The following PDZD2 variants were observed in gnomAD, a reference collection of about 807,000 sequenced individuals.
The protein encoded by PDZD2 is PDZ domain-containing protein 2.
A neutral mutation model predicts 220.7 loss-of-function variants in PDZD2; 90 were observed. The ratio of observed to expected loss-of-function variants is 0.41; its 90% CI spans 0.34 to 0.49. The LOEUF is 0.49. Ranked by LOEUF, PDZD2 falls within the 20% of genes least tolerant of loss-of-function variation. PDZD2 has a pLI of 0.28. For synonymous variants in PDZD2, 1,375 were observed against 1,450.5 expected (o/e 0.95, Z 1.18); for missense variants, 3,174 against 3,608.5 (o/e 0.88, Z 3.08).
chr5:31,944,092 ACT>A (rs1746435664), intron 2 of PDZD2, among the ~76,000 whole-genome samples: 2 of 152,260 alleles, frequency 1.3e-5, no homozygotes, highest in Non-Finnish European at 1.5e-5. Flanking sequence ...CATGCAGGTT[ACT>A]ACATTACAAA....
intron 1 of PDZD2, among the ~76,000 whole-genome samples, chr5:31,688,249 A>C (rs966569244): frequency 6.6e-5 from 10 of 152,306 alleles, no homozygotes; most frequent in Non-Finnish European, 1.2e-4. Context: ...AAAAGAAAAA[A>C]AAAACTCAGT....
intron 2 of PDZD2, among the ~76,000 whole-genome samples, chr5:31,914,176 T>C (rs1743461793): frequency 6.6e-6 from 1 of 152,246 alleles, no homozygotes; most frequent in African/African-American, 2.4e-5. Flanking sequence ...TTGGAGGTTT[T>C]TTCAAAATTA....
intron 2 of PDZD2, among the ~76,000 whole-genome samples, chr5:31,918,077 G>A (rs761202445): frequency 6.6e-6 from 1 of 152,138 alleles, no homozygotes; most frequent in African/African-American, 2.4e-5. Context: ...TTAAATGGCC[G>A]GAACAGGAGC....
Position 32,052,633 on chromosome 5 carries a change from C to CA in PDZD2, c.1688_1689insA (p.Thr564TyrfsTer37), listed in dbSNP as rs1447521677. ...TAGGAATACCACATTGTGAAGAAGTCTACCCGCTCCTTAAGCACGACTCAG... is the reference window on the plus strand; with the variant it reads ...TAGGAATACCACATTGTGAAGAAGTCATACCCGCTCCTTAAGCACGACTCAG... On this transcript the variant is annotated frameshift_variant, in exon 9 of 25. Transcript: ENST00000438447. LOFTEE classifies it high-confidence loss of function. 3.1e-6 allele frequency: 5 copies of CA among 1,613,390 alleles called. No homozygotes were observed. Among genetic ancestry groups the CA allele is most frequent in the African/African-American group, 1.3e-5 (1 of 74,896 alleles).
In PDZD2 at chr5:32,077,449, G is replaced by A. The variant is rs367578454; in HGVS notation, c.3538-13G>A. 1.9e-6 allele frequency: 3 copies of A among 1,612,992 alleles called. No individual in the cohort carries two copies. The South Asian group carries it at 3.3e-5, about 18-fold the overall frequency. ...AAGTTATTTCAAGTGGCTTGTGGTT[G>A]TCATTGTGCCAGGAATCTCTGGGAA... is the stretch of plus-strand genomic sequence containing the variant. On this transcript the variant is annotated splice_polypyrimidine_tract_variant and intron_variant, in intron 18 of 24. Coordinates refer to ENST00000438447, the MANE Select transcript of PDZD2 (RefSeq NM_178140.4).
At chr5:31,921,703 T>C (rs527248746) in intron 2 of PDZD2, among the ~76,000 whole-genome samples, 21 of 152,244 alleles carry the variant, frequency 1.4e-4, no homozygotes, top group African/African-American at 5.1e-4. Flanking sequence ...AAAAAAATTT[T>C]TTTTTTGAAG....
chr5:31,704,859 T>C (rs1388671333), intron 1 of PDZD2, among the ~76,000 whole-genome samples: 1 of 152,150 alleles, frequency 6.6e-6, no homozygotes, highest in Non-Finnish European at 1.5e-5. Context: ...CTGGATTATA[T>C]TGTGCAAATT....
chr5:31,872,101 T>C (rs1374408175), intron 2 of PDZD2, among the ~76,000 whole-genome samples: 1 of 151,796 alleles, frequency 6.6e-6, no homozygotes, highest in African/African-American at 2.4e-5. Context: ...TATCAGGGCA[T>C]GTGTGGTATT....
intron 2 of PDZD2, among the ~76,000 whole-genome samples, chr5:31,924,562 G>A (rs550837335): frequency 1.1e-4 from 16 of 152,298 alleles, no homozygotes; most frequent in Admixed American, 7.2e-4. Context: ...CACGTTTGGC[G>A]TGTGTTGCCT....
intron 1 of PDZD2, among the ~76,000 whole-genome samples, chr5:31,667,155 G>T (rs1398979246): frequency 7.2e-6 from 1 of 139,394 alleles, no homozygotes; most frequent in African/African-American, 2.7e-5. Context: ...AGAATGGCTT[G>T]AACCCAGGAG....
intron 23 of PDZD2, 53 bp from the exon 24 acceptor site, chr5:32,101,052 T>G (rs944617761): frequency 1.2e-6 from 2 of 1,610,370 alleles, no homozygotes; most frequent in Non-Finnish European, 1.7e-6. Flanking sequence ...CTTGGACATG[T>G]GGCATGATGA....
intron 1 of PDZD2, among the ~76,000 whole-genome samples, chr5:31,701,986 G>A (rs1419402014): frequency 6.6e-6 from 1 of 152,260 alleles, no homozygotes; most frequent in Non-Finnish European, 1.5e-5. Context: ...TAATCTGTGT[G>A]CATGGAACTG....
chr5:31,647,582 T>TTGTCTGTG (rs1486562760), intron 1 of PDZD2, among the ~76,000 whole-genome samples: 1 of 152,158 alleles, frequency 6.6e-6, no homozygotes, highest in African/African-American at 2.4e-5. Context: ...TCACGTTGCT[T>TTGTCTGTG]TGTCTGTGTG....
intron 1 of PDZD2, among the ~76,000 whole-genome samples, chr5:31,702,634 G>A (rs1747654092): frequency 6.6e-6 from 1 of 152,186 alleles, no homozygotes; most frequent in Non-Finnish European, 1.5e-5. Context: ...GGAAAGGTTA[G>A]TGTTTTCAAG....
intron 7 of PDZD2, among the ~76,000 whole-genome samples, chr5:32,038,881 C>T (rs982330923): frequency 1.3e-5 from 2 of 152,224 alleles, no homozygotes; most frequent in Admixed American, 6.5e-5. Context: ...AAGAGGAGAA[C>T]ACCCTGACTT....
At chr5:31,970,571 G>C (rs964160445) in intron 2 of PDZD2, among the ~76,000 whole-genome samples, 1 of 151,940 alleles carries the variant, frequency 6.6e-6, no homozygotes, top group African/African-American at 2.4e-5. Context: ...CAGGAGAATT[G>C]CTTGAACCTG....
chr5:32,038,952 C>A (rs78021028), intron 7 of PDZD2, among the ~76,000 whole-genome samples: 2,876 of 152,304 alleles, frequency 0.019, 87 homozygotes, highest in African/African-American at 0.066. Context: ...ATGTGTAGTA[C>A]GTTAACGTTC....
intron 21 of PDZD2, 42 bp from the exon 22 acceptor site, chr5:32,097,237 G>A (rs371363211): frequency 7.4e-5 from 93 of 1,262,026 alleles, no homozygotes; most frequent in Non-Finnish European, 1.1e-4. Context: ...TTAATTTTTT[G>A]CAGCTGTAGC....
Position 31,991,237 on chromosome 5 carries a change from T to C in PDZD2, c.979-4339T>C, listed in dbSNP as rs572259879. On this transcript the variant is annotated intron_variant, in intron 3 of 24. Transcript: ENST00000438447. Reference sequence around the variant, plus strand: ...CCCTTGGATGTTTGATGGAGGATAATGGATTGTAGGAGGTGAAATTTAAAA... The same window carrying C: ...CCCTTGGATGTTTGATGGAGGATAACGGATTGTAGGAGGTGAAATTTAAAA... 2.6e-5 allele frequency among the ~76,000 whole-genome samples: 4 copies of C among 152,204 alleles called. No homozygotes were observed. In the South Asian group the frequency reaches 8.3e-4, roughly 32 times the overall value.
Sources: allele counts gnomAD v4.1 joint callset (sites outside exome capture counted in the v4.1 genomes callset), GRCh38; gene constraint gnomAD v4.1.1; transcripts MANE v1.5; gene names NCBI Gene and HGNC (gene_info 2026-07-23, HGNC 2026-07-21).